ST6GALNAC3: variants seen among roughly 807,000 people sequenced by gnomAD.
The protein encoded by ST6GALNAC3 is alpha-N-acetylgalactosaminide alpha-2,6-sialyltransferase 3.
ST6GALNAC3 carries 25 observed loss-of-function variants against 32.7 expected under a neutral mutation model. That is an observed-to-expected ratio of 0.76 (90% CI 0.56 to 1.07). The LOEUF (loss-of-function observed/expected upper bound fraction) is 1.07, where lower values mean the gene tolerates loss of function less well. Among genes scored for constraint, ST6GALNAC3 ranks in the 50% least tolerant of loss-of-function variants. The pLI is 0.00. For synonymous variants in ST6GALNAC3, 129 were observed against 133.1 expected (o/e 0.97, Z 0.21); for missense variants, 355 against 382.4 (o/e 0.93, Z 0.60).
intron 3 of ST6GALNAC3, among the ~76,000 whole-genome samples, chr1:76,516,645 A>C (rs1266803746): frequency 6.6e-6 from 1 of 151,930 alleles, no homozygotes. Flanking sequence ...AATAGTATCA[A>C]CCTTTTTCTT....
intron 3 of ST6GALNAC3, among the ~76,000 whole-genome samples, chr1:76,520,908 G>T (rs1451833432): frequency 6.6e-6 from 1 of 151,882 alleles, no homozygotes; most frequent in Admixed American, 6.6e-5. Context: ...GAATTATTTT[G>T]TTTGTTAATG....
Position 76,362,020 on chromosome 1 carries a change from G to T in ST6GALNAC3, c.213+48021G>T, listed in dbSNP as rs146696814. ...AGAGAAAGAAAGATACCTGAGACTG[G>T]GTAATTTATAAAGAAAAGAGGTTTA... On this transcript the variant is annotated intron_variant, in intron 2 of 4. Coordinates refer to ENST00000328299, the MANE Select transcript of ST6GALNAC3 (RefSeq NM_152996.4). 6.7e-3 allele frequency among the ~76,000 whole-genome samples: 1,006 copies of T among 151,234 alleles called. 7 individuals are homozygous for T. The highest frequency in any genetic ancestry group is 0.024 in the African/African-American group (983 of 41,132).
chr1:76,630,150 T>C lies in ST6GALNAC3; in HGVS notation c.*1344T>C. 2 of 985,240 alleles carry C rather than the reference T, an allele frequency of 2.0e-6. No homozygotes were observed. The highest frequency in any genetic ancestry group is 6.2e-5 in the Admixed American group (1 of 16,242). The allele number at this position is 985,240 out of a possible 1,614,324, so 61.0% of individuals were successfully genotyped here. A position where few individuals can be genotyped will look rare whatever the true frequency, so the allele number is the denominator to read the frequency against. On this transcript the variant is annotated 3_prime_UTR_variant, in exon 5 of 5. Coordinates refer to ENST00000328299, the MANE Select transcript of ST6GALNAC3 (RefSeq NM_152996.4). ...GTCATTGTTCTGTTATATTCCAGAT[T>C]GCTCTACTTGCTAATATTTGTATAG...
At chr1:76,636,940 A>G (rs1649519343), downstream of ST6GALNAC3, 1 of 152,210 alleles carries the variant, frequency 6.6e-6, no homozygotes, top group African/African-American at 2.4e-5. Flanking sequence ...TAGTTGGTAA[A>G]TGACATAGGT....
At chr1:76,620,129 A>G (rs542302181) in intron 3 of ST6GALNAC3, among the ~76,000 whole-genome samples, 1 of 152,230 alleles carries the variant, frequency 6.6e-6, no homozygotes, top group South Asian at 2.1e-4. Flanking sequence ...GCACCTAGAA[A>G]GTACTCAACA....
chr1:76,163,355 T>G (rs1415116290), intron 1 of ST6GALNAC3, among the ~76,000 whole-genome samples: 1 of 152,226 alleles, frequency 6.6e-6, no homozygotes, highest in East Asian at 1.9e-4. Flanking sequence ...TTAACAAATA[T>G]GTAATGCTTG....
At chr1:76,408,743 A>G (rs1251073750) in intron 2 of ST6GALNAC3, among the ~76,000 whole-genome samples, 1 of 96,898 alleles carries the variant, frequency 1.0e-5, no homozygotes, top group Non-Finnish European at 2.4e-5. Flanking sequence ...ATAGATTTGA[A>G]CATATCCAAG....
At chr1:76,618,647 G>A (rs190398594) in intron 3 of ST6GALNAC3, among the ~76,000 whole-genome samples, 27 of 152,160 alleles carry the variant, frequency 1.8e-4, no homozygotes, top group South Asian at 4.1e-4. Flanking sequence ...TTAGCTGGCC[G>A]TGGCTCCAGT....
chr1:76,085,213 T>C (rs1050037825), intron 1 of ST6GALNAC3, among the ~76,000 whole-genome samples: 10 of 152,238 alleles, frequency 6.6e-5, no homozygotes, highest in African/African-American at 2.4e-4. Context: ...TCACCATATC[T>C]GCTTTCATGG....
At chr1:76,609,961 T>C (rs1176235683) in intron 3 of ST6GALNAC3, among the ~76,000 whole-genome samples, 3 of 152,174 alleles carry the variant, frequency 2.0e-5, no homozygotes, top group Non-Finnish European at 2.9e-5. Flanking sequence ...CTAAGTTGGT[T>C]AGGTTTTAAC....
chr1:76,468,329 A>G (rs992977574), intron 3 of ST6GALNAC3, among the ~76,000 whole-genome samples: 1 of 152,092 alleles, frequency 6.6e-6, no homozygotes, highest in Non-Finnish European at 1.5e-5. Flanking sequence ...TGATTTAAGT[A>G]GCTACTTGGG....
intron 1 of ST6GALNAC3, among the ~76,000 whole-genome samples, chr1:76,228,000 T>G (rs1054906298): frequency 6.6e-6 from 1 of 152,214 alleles, no homozygotes; most frequent in Non-Finnish European, 1.5e-5. Flanking sequence ...TTAATTTCAT[T>G]ACTTTGTTAG....
chr1:76,466,594 A>G (rs190265121), intron 3 of ST6GALNAC3, among the ~76,000 whole-genome samples: 2 of 152,264 alleles, frequency 1.3e-5, no homozygotes, highest in East Asian at 3.9e-4. Flanking sequence ...AAGTGTTAAT[A>G]TACTTTGATA....
chr1:76,241,364 G>A (rs558014567), intron 1 of ST6GALNAC3, among the ~76,000 whole-genome samples: 1 of 152,324 alleles, frequency 6.6e-6, no homozygotes, highest in African/African-American at 2.4e-5. Context: ...GGAAAGTGAA[G>A]CAGAACCAGT....
intron 3 of ST6GALNAC3, among the ~76,000 whole-genome samples, chr1:76,551,416 CAT>C (rs1483926301): frequency 2.0e-5 from 3 of 152,186 alleles, no homozygotes; most frequent in Non-Finnish European, 2.9e-5. Flanking sequence ...GAGGCCCACA[CAT>C]GTTTCTTAGA....
chr1:76,567,588 C>T (rs1382302807), intron 3 of ST6GALNAC3, among the ~76,000 whole-genome samples: 1 of 152,092 alleles, frequency 6.6e-6, no homozygotes, highest in African/African-American at 2.4e-5. Flanking sequence ...CAATAATATC[C>T]AAATGTGAAA....
chr1:76,546,864 C>T (rs2100332149), intron 3 of ST6GALNAC3, among the ~76,000 whole-genome samples: 1 of 152,298 alleles, frequency 6.6e-6, no homozygotes, highest in East Asian at 1.9e-4. Flanking sequence ...GTTCCCACCA[C>T]TTCATTACTA....
At chr1:76,572,969 G>C (rs546012278) in intron 3 of ST6GALNAC3, among the ~76,000 whole-genome samples, 1 of 152,256 alleles carries the variant, frequency 6.6e-6, no homozygotes, top group African/African-American at 2.4e-5. Flanking sequence ...GGGAAGCTTT[G>C]CTGATGTCAG....
At chr1:76,533,385 C>T (rs975576287) in intron 3 of ST6GALNAC3, among the ~76,000 whole-genome samples, 1 of 152,178 alleles carries the variant, frequency 6.6e-6, no homozygotes, top group African/African-American at 2.4e-5. Context: ...ATGTGAACGT[C>T]CACAGTGTGG....
Sources: allele counts gnomAD v4.1 joint callset (sites outside exome capture counted in the v4.1 genomes callset), GRCh38; gene constraint gnomAD v4.1.1; transcripts MANE v1.5; gene names NCBI Gene and HGNC (gene_info 2026-07-23, HGNC 2026-07-21).